CELSR1: variants seen among roughly 807,000 people sequenced by gnomAD.
CELSR1 encodes the protein cadherin EGF LAG seven-pass G-type receptor 1.
Under a neutral mutation model 249.1 loss-of-function variants are expected in CELSR1, and 110 were observed. The observed-to-expected ratio is 0.44, with a 90% CI of 0.38 to 0.52. CELSR1 has a LOEUF of 0.52. CELSR1 is among the 20% of genes least tolerant of loss of function. CELSR1 has a pLI of 0.00. For missense variants in CELSR1, 4,109 were observed against 4,296.4 expected (o/e 0.96, Z 1.22); for synonymous variants, 2,113 against 1,900.0 (o/e 1.11, Z -2.92).
Position 46,391,168 on chromosome 22 carries a change from C to G in CELSR1, c.6250+18G>C, listed in dbSNP as rs200406273. 1 of 1,603,660 alleles carries G rather than the reference C, an allele frequency of 6.2e-7. No homozygotes were observed. The highest frequency in any genetic ancestry group is 8.5e-7 in the Non-Finnish European group (1 of 1,173,386). On this transcript the variant is annotated intron_variant, in intron 16 of 34. Transcript: ENST00000674500. This position sits in a 1 kb window ranked among gnomAD's most constrained non-coding sequence, Gnocchi z 4.3. ...GACGCCTGCCTCAGTTCCCTACACA[C>G]AGGCCACGGCGACTCACCAACGGAT...
chr22:46,414,909 T>C (rs1248512238), intron 5 of CELSR1, among the ~76,000 whole-genome samples: 1 of 152,018 alleles, frequency 6.6e-6, no homozygotes, highest in Non-Finnish European at 1.5e-5. Flanking sequence ...GTGGGCAAAC[T>C]GTGGCCCATC....
At position 46,423,029 on chromosome 22, in the gene CELSR1, C is replaced by CT. The variant is rs1274601353; in HGVS notation, c.4611+10363dup. On this transcript the variant is annotated intron_variant, in intron 5 of 34. Coordinates refer to ENST00000674500, the MANE Select transcript of CELSR1 (RefSeq NM_001378328.1). This position sits in a 1 kb window ranked among gnomAD's most constrained non-coding sequence, Gnocchi z 5.6. Reference sequence around the variant, plus strand: ...AATGGTCCATGTCTCTACCTAGAGGCTGGGCTTGGCCACATGACCTGGGCA... The same window carrying CT: ...AATGGTCCATGTCTCTACCTAGAGGCTTGGGCTTGGCCACATGACCTGGGCA... 6.6e-6 allele frequency among the ~76,000 whole-genome samples: 1 copy of CT among 152,214 alleles called. No individual in the cohort carries two copies. The highest frequency in any genetic ancestry group is 1.5e-5 in the Non-Finnish European group (1 of 68,042).
chr22:46,487,550 G>C (rs540175479), intron 1 of CELSR1, among the ~76,000 whole-genome samples: 16 of 27,998 alleles, frequency 5.7e-4, no homozygotes, highest in South Asian at 5.4e-3. Context: ...GGAGTCCACG[G>C]TGCAGTGCAG....
Position 46,463,945 on chromosome 22 carries a change from G to A in CELSR1, c.3945C>T (p.Tyr1315=), listed in dbSNP as rs556946237. Residue 1315 remains tyrosine, a synonymous_variant, in exon 2 of 35, where the codon TAC becomes TAT. Transcript: ENST00000674500. ...ATCGCAGAACGGACACGCACTTCATGTAGTTCTCGCAGGGCTCGCGCAGGC... is the reference window on the plus strand; with the variant it reads ...ATCGCAGAACGGACACGCACTTCATATAGTTCTCGCAGGGCTCGCGCAGGC... The part of the protein sequence containing the change: ...NICLREPCEN[Y]MKCVSVLRFD... The A allele has an allele frequency of 6.2e-6, 10 of 1,614,050 alleles. 1 individual carries two copies. The Admixed American group carries it at 8.3e-5, about 13-fold the overall frequency.
At chr22:46,369,933 G>T in intron 25 of CELSR1, 129 bp from the exon 26 acceptor site, 1 of 783,920 alleles carries the variant, frequency 1.3e-6, no homozygotes, top group Non-Finnish European at 2.2e-6. Context: ...GGAGCAAGGA[G>T]TCCAGGGAGC....
In CELSR1 at chr22:46,440,589, C is replaced by T. The variant is rs1301090740; in HGVS notation, c.4184-1178G>A. ...CATTTATCTTTGATGAGGCCAGCAT[C>T]TTTTCCTGTTTTATTGACAATTGAC... On this transcript the variant is annotated intron_variant, in intron 2 of 34. Coordinates refer to ENST00000674500, the MANE Select transcript of CELSR1 (RefSeq NM_001378328.1). This position sits in a 1 kb window ranked among gnomAD's most constrained non-coding sequence, Gnocchi z 4.7. Among the ~76,000 whole-genome samples, 1 of 152,290 alleles carries T rather than the reference C, an allele frequency of 6.6e-6. No individual in the cohort carries two copies. Among genetic ancestry groups the T allele is most frequent in the East Asian group, 1.9e-4 (1 of 5,182 alleles).
rs1460319842 is a variant in CELSR1 at position 46,391,169 on chromosome 22, A to G, written c.6250+17T>C. ...ACGCCTGCCTCAGTTCCCTACACAC[A>G]GGCCACGGCGACTCACCAACGGATC... On this transcript the variant is annotated intron_variant, in intron 16 of 34. Transcript: ENST00000674500. The surrounding 1 kb of genome is among the most constrained non-coding windows in gnomAD (Gnocchi z 4.3). 2 of 1,603,046 alleles carry G rather than the reference A, an allele frequency of 1.2e-6. No homozygotes were observed. Among genetic ancestry groups the G allele is most frequent in the Non-Finnish European group, 1.7e-6 (2 of 1,172,960 alleles).
At chr22:46,371,818 A>G (rs928313142) in intron 25 of CELSR1, among the ~76,000 whole-genome samples, 1 of 141,594 alleles carries the variant, frequency 7.1e-6, no homozygotes, top group Non-Finnish European at 1.5e-5. Flanking sequence ...CCACTCACTC[A>G]TCTCTCCATC....
At chr22:46,525,770 C>T (rs1163367715) in intron 1 of CELSR1, among the ~76,000 whole-genome samples, 1 of 152,260 alleles carries the variant, frequency 6.6e-6, no homozygotes, top group African/African-American at 2.4e-5. Context: ...CCCCATCTAC[C>T]CACCTATCCC....
chr22:46,453,228 C>A (rs576669309), intron 2 of CELSR1, among the ~76,000 whole-genome samples: 2 of 152,164 alleles, frequency 1.3e-5, no homozygotes, highest in Admixed American at 1.3e-4. Context: ...CCGGTGCGTT[C>A]GTTATCAGCA....
intron 2 of CELSR1, among the ~76,000 whole-genome samples, chr22:46,459,118 G>C (rs1383788603): frequency 6.6e-6 from 1 of 152,162 alleles, no homozygotes; most frequent in Non-Finnish European, 1.5e-5. Context: ...TCAATCTCCT[G>C]ACCTCGTGAT....
intron 1 of CELSR1, among the ~76,000 whole-genome samples, chr22:46,483,401 T>TTC (rs1555927506): frequency 5.6e-5 from 8 of 143,310 alleles, no homozygotes; most frequent in African/African-American, 1.8e-4. Context: ...TTTTTTTTTT[T>TTC]TTTTTTTTGA....
Position 46,417,821 on chromosome 22 carries a change from C to A in CELSR1, c.4612-6062G>T, listed in dbSNP as rs9615997. 0.17 allele frequency among the ~76,000 whole-genome samples: 26,528 copies of A among 152,160 alleles called. 2,503 individuals carry two copies. Among genetic ancestry groups the A allele is most frequent in the African/African-American group, 0.23 (9,361 of 41,450 alleles). On this transcript the variant is annotated intron_variant, in intron 5 of 34. Coordinates refer to ENST00000674500, the MANE Select transcript of CELSR1 (RefSeq NM_001378328.1). The surrounding 1 kb of genome is among the most constrained non-coding windows in gnomAD (Gnocchi z 4.1). ...TGAAACTGTGCAGTGTCTGAGCTGG[C>A]GTGGCTGATATTACTATCATCCTCA... is the stretch of plus-strand genomic sequence containing the variant.
Position 46,468,947 on chromosome 22 carries a change from G to A in CELSR1, c.3545-4602C>T, listed in dbSNP as rs1049990136. ...AAAAGCTAGTTGGGCGTGGTGGCAC[G>A]TGCCTGTAGTCTCAGCTACTCGGAA... is the stretch of plus-strand genomic sequence containing the variant. On this transcript the variant is annotated intron_variant, in intron 1 of 34. Coordinates refer to ENST00000674500, the MANE Select transcript of CELSR1 (RefSeq NM_001378328.1). This position sits in a 1 kb window ranked among gnomAD's most constrained non-coding sequence, Gnocchi z 4.5. Among the ~76,000 whole-genome samples, 5 of 152,022 alleles carry A rather than the reference G, an allele frequency of 3.3e-5. No homozygotes were observed. The highest frequency in any genetic ancestry group is 4.1e-4 in the South Asian group (2 of 4,820).
intron 2 of CELSR1, among the ~76,000 whole-genome samples, chr22:46,458,619 C>T (rs567343046): frequency 6.6e-6 from 1 of 152,148 alleles, no homozygotes; most frequent in African/African-American, 2.4e-5. Flanking sequence ...GTACTGGGGA[C>T]ACCCTCCAGG....
At position 46,413,197 on chromosome 22, in the gene CELSR1, T is replaced by C. The variant is rs1480714456; in HGVS notation, c.4612-1438A>G. 1.3e-5 allele frequency among the ~76,000 whole-genome samples: 2 copies of C among 152,254 alleles called. No individual in the cohort carries two copies. Among genetic ancestry groups the C allele is most frequent in the Non-Finnish European group, 2.9e-5 (2 of 68,042 alleles). ...AGGAAAATAACAACCACATAGTTCA[T>C]TCAAAAATAAATCTTCAGTTTTTAA... is the stretch of plus-strand genomic sequence containing the variant. On this transcript the variant is annotated intron_variant, in intron 5 of 34. Coordinates refer to ENST00000674500, the MANE Select transcript of CELSR1 (RefSeq NM_001378328.1). The surrounding 1 kb of genome is among the most constrained non-coding windows in gnomAD (Gnocchi z 4.7).
intron 24 of CELSR1, among the ~76,000 whole-genome samples, chr22:46,376,426 G>A (rs1341443957): frequency 1.3e-5 from 2 of 152,172 alleles, no homozygotes; most frequent in Admixed American, 1.3e-4. Context: ...CCAGGCTGGA[G>A]TGCAGTGGCT....
At chr22:46,451,076 G>A (rs1055833235) in intron 2 of CELSR1, among the ~76,000 whole-genome samples, 6 of 152,048 alleles carry the variant, frequency 3.9e-5, no homozygotes, top group African/African-American at 7.2e-5. Context: ...AGCTCCCACC[G>A]GGAACTGCTG....
chr22:46,494,697 G>A (rs532139647), intron 1 of CELSR1, among the ~76,000 whole-genome samples: 5 of 152,032 alleles, frequency 3.3e-5, no homozygotes, highest in African/African-American at 4.8e-5. Flanking sequence ...AGTAGAGACC[G>A]AGGTTTCACC....
Sources: allele counts gnomAD v4.1 joint callset (sites outside exome capture counted in the v4.1 genomes callset), GRCh38; gene constraint gnomAD v4.1.1; non-coding constraint Gnocchi (gnomAD v3.1); transcripts MANE v1.5; gene names NCBI Gene and HGNC (gene_info 2026-07-23, HGNC 2026-07-21).